The following RPRD1A variants were observed in gnomAD, a reference collection of about 807,000 sequenced individuals.
RPRD1A encodes regulation of nuclear pre-mRNA domain containing 1A, also known as regulation of nuclear pre-mRNA domain-containing protein 1A.
RPRD1A carries 9 observed loss-of-function variants against 37.8 expected under a neutral mutation model. The ratio of observed to expected loss-of-function variants is 0.24; its 90% CI spans 0.14 to 0.42. The LOEUF (loss-of-function observed/expected upper bound fraction) is 0.42. Ranked by LOEUF, RPRD1A falls within the 10% of genes least tolerant of loss-of-function variation. The pLI, the probability that RPRD1A is intolerant of heterozygous loss-of-function variation, is 1.00. For synonymous variants in RPRD1A, 138 were observed against 139.7 expected (o/e 0.99, Z 0.08); for missense variants, 255 against 371.0 (o/e 0.69, Z 2.57).
At chr18:36,043,315 G>T (rs1178271804) in intron 1 of RPRD1A, among the ~76,000 whole-genome samples, 1 of 151,558 alleles carries the variant, frequency 6.6e-6, no homozygotes, top group Non-Finnish European at 1.5e-5. Context: ...TCAGCATAGT[G>T]CTGGCCTGGT....
chr18:36,024,219 T>C lies in RPRD1A; in HGVS notation c.789+2681A>G, dbSNP rs536777674. Among the ~76,000 whole-genome samples the C allele has an allele frequency of 3.3e-5, 5 of 152,100 alleles. No individual in the cohort carries two copies. In the South Asian group the frequency reaches 1.0e-3, roughly 32 times the overall value. On this transcript the variant is annotated intron_variant, in intron 6 of 6. Transcript: ENST00000399022. The stretch of plus-strand genomic sequence containing the variant: ...TGGAGGGCAGTGGTGTGATCTCAGC[T>C]CACTGCAACCTCCACCTCCCAGGTT...
chr18:36,023,876 T>C (rs918715332), intron 6 of RPRD1A, among the ~76,000 whole-genome samples: 1 of 152,240 alleles, frequency 6.6e-6, no homozygotes, highest in Non-Finnish European at 1.5e-5. Flanking sequence ...TCCTAATGCT[T>C]AGACAACAGT....
intron 2 of RPRD1A, 151 bp from the exon 3 acceptor site, chr18:36,031,248 G>A (rs1911768026): frequency 3.0e-6 from 3 of 992,276 alleles, no homozygotes; most frequent in Non-Finnish European, 2.8e-6. Context: ...TATGTGGCCA[G>A]CAGCTCAAAA....
intron 1 of RPRD1A, among the ~76,000 whole-genome samples, chr18:36,059,540 A>G (rs1454483852): frequency 6.6e-6 from 1 of 152,182 alleles, no homozygotes. Context: ...TTAATTTCCA[A>G]TGTAGTAACT....
At chr18:36,063,977 T>G (rs1322604572) in intron 1 of RPRD1A, 1 of 152,282 alleles carries the variant, frequency 6.6e-6, no homozygotes, top group Non-Finnish European at 1.5e-5. Flanking sequence ...CTTAAACATA[T>G]GGAAACATCA....
Position 36,059,394 on chromosome 18 carries a change from TC to T in RPRD1A, c.151+7859del, listed in dbSNP as rs560825043. ...CTCATGTGATCTGCCTGCCTCAGTCTCCCAAAGTGCTGGGATTACAGGCATG... is the reference window on the plus strand; with the variant it reads ...CTCATGTGATCTGCCTGCCTCAGTCTCCAAAGTGCTGGGATTACAGGCATG... On this transcript the variant is annotated intron_variant, in intron 1 of 6. Transcript: ENST00000399022. Among the ~76,000 whole-genome samples the T allele has an allele frequency of 1.6e-3, 237 of 152,312 alleles. 1 individual carries two copies. The highest frequency in any genetic ancestry group is 5.3e-3 in the African/African-American group (222 of 41,570).
intron 6 of RPRD1A, among the ~76,000 whole-genome samples, chr18:36,002,420 T>C (rs933132509): frequency 9.2e-5 from 14 of 152,108 alleles, no homozygotes; most frequent in Middle Eastern, 3.2e-3. Context: ...AACACATTCT[T>C]ATTATTTTTT....
At chr18:35,995,007 T>C (rs961749359) in intron 6 of RPRD1A, among the ~76,000 whole-genome samples, 3 of 152,108 alleles carry the variant, frequency 2.0e-5, no homozygotes, top group African/African-American at 7.2e-5. Flanking sequence ...AGAATCACAG[T>C]ACACACAGGA....
At chr18:36,023,076 T>C (rs549253567) in intron 6 of RPRD1A, among the ~76,000 whole-genome samples, 110 of 152,332 alleles carry the variant, frequency 7.2e-4, no homozygotes, top group Non-Finnish European at 1.3e-3. Context: ...CTGCCACTTA[T>C]AGATAAAAGA....
rs886823090 is a variant in RPRD1A, at chr18:35,990,427, T to C, written c.*2724A>G. On this transcript the variant is annotated 3_prime_UTR_variant, in exon 7 of 7. Transcript: ENST00000399022. ...AAACCCTGATTCAGAGTGCATGTGA[T>C]AGGAGATACCAAAATAGCTGCATCT... 1 of 152,216 alleles carries C rather than the reference T, an allele frequency of 6.6e-6. No homozygotes were observed. The highest frequency in any genetic ancestry group is 2.4e-5 in the African/African-American group (1 of 41,460). 9.4% of individuals were successfully genotyped at this position (152,216 alleles called of 1,614,324 possible).
At chr18:36,039,482 T>C (rs1371438833) in intron 1 of RPRD1A, among the ~76,000 whole-genome samples, 1 of 151,992 alleles carries the variant, frequency 6.6e-6, no homozygotes, top group Non-Finnish European at 1.5e-5. Context: ...GAAATCAGAG[T>C]CCAGACTATT....
At chr18:36,022,946 C>T (rs569557962) in intron 6 of RPRD1A, among the ~76,000 whole-genome samples, 78 of 152,270 alleles carry the variant, frequency 5.1e-4, no homozygotes, top group African/African-American at 1.7e-3. Flanking sequence ...GGTGACAGAA[C>T]AAGAGACTGT....
intron 1 of RPRD1A, among the ~76,000 whole-genome samples, chr18:36,045,483 A>C: frequency 6.6e-6 from 1 of 152,142 alleles, no homozygotes; most frequent in East Asian, 1.9e-4. Flanking sequence ...AGGACTCATG[A>C]ATTTGCATTT....
intron 6 of RPRD1A, among the ~76,000 whole-genome samples, chr18:35,996,872 C>T (rs1216385623): frequency 6.8e-6 from 1 of 147,280 alleles, no homozygotes; most frequent in African/African-American, 2.5e-5. Context: ...CCCAGCTACA[C>T]AGGAGACTAA....
chr18:36,008,589 A>ATATATATATATATATATATATATATCTC (rs71381561), intron 6 of RPRD1A, among the ~76,000 whole-genome samples: 9 of 90,822 alleles, frequency 9.9e-5, no homozygotes, highest in Non-Finnish European at 1.3e-4. Context: ...ATATATATAT[A>ATATATATATATATATATATATATATCTC]TCTTTAAAAA....
intron 1 of RPRD1A, among the ~76,000 whole-genome samples, chr18:36,036,106 T>C (rs1912176145): frequency 6.6e-6 from 1 of 152,172 alleles, no homozygotes; most frequent in Admixed American, 6.5e-5. Flanking sequence ...TGTTTTTGTT[T>C]TTTTTGTTTG....
intron 6 of RPRD1A, among the ~76,000 whole-genome samples, chr18:36,011,658 A>G (rs1272333811): frequency 2.0e-5 from 3 of 152,206 alleles, no homozygotes; most frequent in Admixed American, 2.0e-4. Context: ...CAGATGTTAA[A>G]AAAGAGAGGT....
chr18:36,013,549 GA>G (rs1426840658), intron 6 of RPRD1A, among the ~76,000 whole-genome samples: 2 of 151,996 alleles, frequency 1.3e-5, no homozygotes, highest in African/African-American at 2.4e-5. Flanking sequence ...TAGGATAAAG[GA>G]AAAAAATACA....
chr18:36,067,171 G>C (rs947079044), intron 1 of RPRD1A, 83 bp downstream of exon 1: 2 of 1,433,082 alleles, frequency 1.4e-6, no homozygotes, highest in Non-Finnish European at 1.9e-6. Context: ...GGGAAGCCGG[G>C]GGCGCTGGAG....
Sources: allele counts gnomAD v4.1 joint callset (sites outside exome capture counted in the v4.1 genomes callset), GRCh38; gene constraint gnomAD v4.1.1; transcripts MANE v1.5; gene names NCBI Gene and HGNC (gene_info 2026-07-23, HGNC 2026-07-21).